The following THRB variants were observed in gnomAD, a reference collection of about 807,000 sequenced individuals.
THRB encodes the protein nuclear receptor subfamily 1 group A member 2.
Under a neutral mutation model 47.8 loss-of-function variants are expected in THRB, and 12 were observed. The ratio of observed to expected loss-of-function variants is 0.25; its 90% CI spans 0.16 to 0.41. The LOEUF (loss-of-function observed/expected upper bound fraction) is 0.41. THRB is among the 10% of genes least tolerant of loss of function. THRB has a pLI of 1.00. For missense variants in THRB, 348 were observed against 589.2 expected (o/e 0.59, Z 4.24); for synonymous variants, 218 against 212.2 (o/e 1.03, Z -0.24).
chr3:24,468,782 G>C (rs1413030201), intron 1 of THRB, among the ~76,000 whole-genome samples: 2 of 152,166 alleles, frequency 1.3e-5, no homozygotes, highest in Non-Finnish European at 2.9e-5. Context: ...AATGTTGTGA[G>C]AATTACCAAA....
chr3:24,255,370 A>G (rs1244058707), intron 3 of THRB, among the ~76,000 whole-genome samples: 4 of 152,236 alleles, frequency 2.6e-5, no homozygotes, highest in African/African-American at 9.6e-5. Flanking sequence ...CAATATATAC[A>G]TATACAATAC....
At chr3:24,328,882 C>A (rs1319144773) in intron 2 of THRB, among the ~76,000 whole-genome samples, 11 of 152,142 alleles carry the variant, frequency 7.2e-5, no homozygotes, top group Admixed American at 6.5e-4. Context: ...TATCCAAACG[C>A]CTTAGACTTT....
At chr3:24,353,840 TA>T in intron 1 of THRB, among the ~76,000 whole-genome samples, 1 of 152,294 alleles carries the variant, frequency 6.6e-6, no homozygotes, top group Middle Eastern at 3.4e-3. Flanking sequence ...TAGCAAATTT[TA>T]AACACTAAGA....
intron 1 of THRB, among the ~76,000 whole-genome samples, chr3:24,356,790 C>T (rs1381476514): frequency 6.6e-6 from 1 of 152,036 alleles, no homozygotes; most frequent in African/African-American, 2.4e-5. Flanking sequence ...GGGATTCCTC[C>T]CTGGCCATAT....
intron 1 of THRB, among the ~76,000 whole-genome samples, chr3:24,360,071 G>T (rs2063957947): frequency 1.3e-5 from 2 of 152,236 alleles, no homozygotes; most frequent in South Asian, 4.1e-4. Flanking sequence ...GACCCCTAAA[G>T]ATGTGCTCCA....
intron 2 of THRB, among the ~76,000 whole-genome samples, chr3:24,309,325 A>G (rs1243444111): frequency 6.6e-6 from 1 of 152,210 alleles, no homozygotes; most frequent in Admixed American, 6.5e-5. Context: ...AGCGGAATAA[A>G]GTTTTGTTTC....
chr3:24,495,209 C>A (rs1301736674), upstream of THRB: 3 of 152,926 alleles, frequency 2.0e-5, no homozygotes, highest in South Asian at 2.0e-4. Flanking sequence ...TCACGGCTGT[C>A]CGACTTGCGC....
intron 1 of THRB, among the ~76,000 whole-genome samples, chr3:24,373,504 G>GTAAC (rs2149771810): frequency 6.6e-6 from 1 of 152,144 alleles, no homozygotes; most frequent in East Asian, 1.9e-4. Context: ...GTTCACAAAG[G>GTAAC]TAACTACTCT....
chr3:24,418,643 C>A (rs796173351), intron 1 of THRB, among the ~76,000 whole-genome samples: 13 of 152,042 alleles, frequency 8.6e-5, no homozygotes, highest in African/African-American at 3.1e-4. Flanking sequence ...GATTCCTAGG[C>A]CTTACCCTCC....
At chr3:24,203,428 A>G (rs1306549325) in intron 4 of THRB, among the ~76,000 whole-genome samples, 1 of 152,056 alleles carries the variant, frequency 6.6e-6, no homozygotes, top group Non-Finnish European at 1.5e-5. Flanking sequence ...CATATAAAGG[A>G]CATTATGTCT....
chr3:24,254,172 G>A (rs543126354), intron 3 of THRB, among the ~76,000 whole-genome samples: 497 of 129,002 alleles, frequency 3.9e-3, no homozygotes, highest in Non-Finnish European at 6.0e-3. Flanking sequence ...GACCATCCTG[G>A]CTAACACAGT....
chr3:24,140,938 C>T (rs2035361730), intron 8 of THRB, among the ~76,000 whole-genome samples: 1 of 152,174 alleles, frequency 6.6e-6, no homozygotes, highest in Non-Finnish European at 1.5e-5. Context: ...GGGGTTATCC[C>T]AGGCACAGAA....
intron 1 of THRB, among the ~76,000 whole-genome samples, chr3:24,479,734 G>C (rs1362161243): frequency 2.0e-5 from 3 of 152,180 alleles, no homozygotes; most frequent in Non-Finnish European, 2.9e-5. Flanking sequence ...ACAATCCTCA[G>C]GTGGAAGTCG....
intron 3 of THRB, among the ~76,000 whole-genome samples, chr3:24,239,821 C>T (rs896420160): frequency 3.9e-5 from 6 of 152,128 alleles, no homozygotes; most frequent in East Asian, 1.9e-4. Flanking sequence ...TACCTGGGGA[C>T]AGTCATGCTG....
intron 4 of THRB, among the ~76,000 whole-genome samples, chr3:24,220,044 T>G (rs574504319): frequency 1.3e-5 from 2 of 152,214 alleles, no homozygotes; most frequent in Admixed American, 1.3e-4. Context: ...CCAGCTGATG[T>G]GTAATAGGCA....
intron 5 of THRB, among the ~76,000 whole-genome samples, chr3:24,180,379 T>C (rs1383485952): frequency 1.3e-5 from 2 of 152,232 alleles, no homozygotes; most frequent in African/African-American, 4.8e-5. Flanking sequence ...AAATGCCAAG[T>C]GTCTTTATCA....
intron 1 of THRB, among the ~76,000 whole-genome samples, chr3:24,402,413 T>C (rs2067479972): frequency 6.6e-6 from 1 of 151,832 alleles, no homozygotes; most frequent in Admixed American, 6.6e-5. Flanking sequence ...CTGTCAAATT[T>C]GGGAACTGCT....
intron 3 of THRB, among the ~76,000 whole-genome samples, chr3:24,269,303 ACACACACACACACACACACGT>A (rs2053005755): frequency 8.3e-6 from 1 of 120,202 alleles, no homozygotes; most frequent in Admixed American, 8.1e-5. Context: ...ACACACACAC[ACACACACACACACACACACGT>A]TATCTTTGCT....
chr3:24,274,947 A>C (rs1042610396), intron 3 of THRB, among the ~76,000 whole-genome samples: 2 of 152,082 alleles, frequency 1.3e-5, no homozygotes, highest in Non-Finnish European at 2.9e-5. Flanking sequence ...CTGAACTCTA[A>C]ATTATGTGTA....
Sources: gnomAD v4.1 joint callset for allele counts (sites outside exome capture counted in the v4.1 genomes callset) on GRCh38, gnomAD v4.1.1 for gene constraint, MANE v1.5 for transcripts, NCBI Gene and HGNC (gene_info 2026-07-23, HGNC 2026-07-21) for gene names.